The following DYSF variants were observed in gnomAD, a reference collection of about 807,000 sequenced individuals.
DYSF encodes dystrophy-associated fer-1-like 1.
In DYSF, 212 loss-of-function variants were observed where a neutral mutation model predicts 274.9. That is an observed-to-expected ratio of 0.77 (90% confidence interval 0.69 to 0.86). DYSF has a LOEUF of 0.86. Ranked by LOEUF, DYSF falls within the 40% of genes least tolerant of loss-of-function variation. The pLI, the probability that DYSF is intolerant of heterozygous loss-of-function variation, is 0.00. For missense variants in DYSF, 2,666 were observed against 2,783.2 expected (o/e 0.96, Z 0.95); for synonymous variants, 1,091 against 1,078.7 (o/e 1.01, Z -0.22).
At chr2:71,653,763 A>G (rs1414361214) in intron 42 of DYSF, among the ~76,000 whole-genome samples, 2 of 152,106 alleles carry the variant, frequency 1.3e-5, no homozygotes, top group East Asian at 3.8e-4. Flanking sequence ...ATACATATGT[A>G]ACAGACCTGC....
intron 3 of DYSF, among the ~76,000 whole-genome samples, chr2:71,494,809 C>T (rs2084213266): frequency 6.6e-6 from 1 of 152,236 alleles, no homozygotes; most frequent in East Asian, 1.9e-4. Context: ...GACAGACACC[C>T]ATTCTGGGGC....
chr2:71,544,007 T>C (rs868757056), intron 17 of DYSF, among the ~76,000 whole-genome samples: 4 of 149,074 alleles, frequency 2.7e-5, no homozygotes, highest in African/African-American at 5.2e-5. Context: ...CTTTTTTCCC[T>C]GTCACTCCTT....
chr2:71,573,600 T>G (rs1185675665), intron 29 of DYSF, among the ~76,000 whole-genome samples: 1 of 152,182 alleles, frequency 6.6e-6, no homozygotes, highest in Non-Finnish European at 1.5e-5. Context: ...AGGATCTTCC[T>G]TTTACCTCTG....
At chr2:71,684,901 G>A (rs1311357419) in intron 55 of DYSF, among the ~76,000 whole-genome samples, 1 of 152,216 alleles carries the variant, frequency 6.6e-6, no homozygotes, top group Non-Finnish European at 1.5e-5. Flanking sequence ...GGCTGGGACT[G>A]TGCTTAGGGG....
chr2:71,659,033 G>C lies in DYSF; in HGVS notation c.4911G>C (p.Lys1637Asn), dbSNP rs141704244. 3.7e-6 allele frequency: 6 copies of C among 1,613,984 alleles called. No homozygotes were observed. The African/African-American group carries it at 5.3e-5, about 14-fold the overall frequency. Residue 1637 changes from lysine to asparagine, a missense_variant and splice_region_variant, in exon 44 of 56, where the codon AAG (lysine) becomes AAC (asparagine). Around this residue, in one of 3 missense-constraint regions of DYSF, gnomAD observed 1,460 missense variants for 1,502.1 expected, o/e 0.97. Coordinates refer to ENST00000410020, the MANE Select transcript of DYSF (RefSeq NM_001130987.2). ...FGLQPKDPNG[K>N]CDPYIKISIG... is the part of the protein sequence containing the mutation. The stretch of plus-strand genomic sequence containing the variant: ...TGCAGCCCAAGGACCCCAATGGAAA[G>C]GTAACTTTCCTAGAGCCCTCACCTC...
rs886043057 is a variant in DYSF at position 71,674,243 on chromosome 2, G to A, written c.5831G>A (p.Arg1944Gln). 14 of 1,614,112 alleles carry A rather than the reference G, an allele frequency of 8.7e-6. No homozygotes were observed. The highest frequency in any genetic ancestry group is 1.6e-4 in the Middle Eastern group (1 of 6,082). The stretch of plus-strand genomic sequence containing the variant: ...AAGACTGAGAGCAAAATCCCAGCAC[G>A]AGTGGTGTTCCAGATCTGGGACAAT... ...LDKTESKIPA[R>Q]VVFQIWDNDK... Residue 1944 changes from arginine (R) to glutamine (Q), a missense_variant, in exon 52 of 56, where the codon CGA (arginine) becomes CAA (glutamine). Coordinates refer to ENST00000410020, the MANE Select transcript of DYSF (RefSeq NM_001130987.2).
chr2:71,626,753 A>G (rs2094214387), intron 41 of DYSF, among the ~76,000 whole-genome samples: 1 of 151,904 alleles, frequency 6.6e-6, no homozygotes, highest in East Asian at 1.9e-4. Flanking sequence ...TAAGATTGGC[A>G]TTATCCGTTG....
chr2:71,638,141 T>C (rs970039614), intron 41 of DYSF, among the ~76,000 whole-genome samples: 6 of 152,178 alleles, frequency 3.9e-5, no homozygotes, highest in African/African-American at 1.4e-4. Flanking sequence ...TGAACTCTTA[T>C]TTCCTTAGAA....
chr2:71,623,065 G>A lies in DYSF; in HGVS notation c.4527+2456G>A, dbSNP rs888380370. Among the ~76,000 whole-genome samples the A allele has an allele frequency of 2.6e-5, 4 of 152,114 alleles. No individual in the cohort carries two copies. The East Asian group carries it at 5.8e-4, about 22-fold the overall frequency. ...TATATTCCTGGGGTAAACCCAAATC[G>A]GTCAATTGGTCATGGTATTATAGTT... On this transcript the variant is annotated intron_variant, in intron 41 of 55. Transcript: ENST00000410020.
upstream of DYSF, among the ~76,000 whole-genome samples, chr2:71,463,105 C>T (rs6739518): frequency 0.52 from 79,704 of 152,024 alleles, 21,125 homozygotes; most frequent in East Asian, 0.7. Context: ...GTCTAGGGCA[C>T]CTAGGCTGTT....
At chr2:71,467,031 T>C in intron 1 of DYSF, 98 bp downstream of exon 1, 1 of 1,468,578 alleles carries the variant, frequency 6.8e-7, no homozygotes, top group South Asian at 1.3e-5. Flanking sequence ...CTAACCCTAG[T>C]CCAGGCCACA....
chr2:71,551,255 C>A, intron 18 of DYSF, 99 bp downstream of exon 18: 1 of 1,279,830 alleles, frequency 7.8e-7, no homozygotes, highest in Non-Finnish European at 1.1e-6. Flanking sequence ...CTCCTGGGGG[C>A]CCACGACCTG....
At chr2:71,652,683 T>A (rs2094686162) in intron 42 of DYSF, among the ~76,000 whole-genome samples, 1 of 152,208 alleles carries the variant, frequency 6.6e-6, no homozygotes, top group African/African-American at 2.4e-5. Flanking sequence ...AAGAAACATT[T>A]TGTTGAGAAT....
Position 71,669,652 on chromosome 2 carries a change from A to G in DYSF, c.5690A>G (p.Tyr1897Cys), listed in dbSNP as rs1384375908. Residue 1897 changes from tyrosine (Y) to cysteine (C), a missense_variant, in exon 51 of 56, where the codon TAT becomes TGT. Physicochemically the swap from Tyr to Cys is radical, Grantham distance 194. Coordinates refer to ENST00000410020, the MANE Select transcript of DYSF (RefSeq NM_001130987.2). ...CACAAGCAAAAGACAGACGTGCATT[A>G]TCGTTCCCTGGGAGGTGAAGGCAAC... ...EEHKQKTDVH[Y>C]RSLGGEGNFN... 1 of 1,614,102 alleles carries G rather than the reference A, an allele frequency of 6.2e-7. No individual in the cohort carries two copies. Among genetic ancestry groups the G allele is most frequent in the Non-Finnish European group, 8.5e-7 (1 of 1,180,052 alleles).
rs542125436 is a variant in DYSF, at chr2:71,679,360, C to T, written c.6063+125C>T. On this transcript the variant is annotated intron_variant, in intron 53 of 55. Coordinates refer to ENST00000410020, the MANE Select transcript of DYSF (RefSeq NM_001130987.2). ...CCTCCTCCTTTCTCCCCCTCTCCTG[C>T]CCCCATCCCCCCTCTCTCTCTATTT... 65 of 909,450 alleles carry T rather than the reference C, an allele frequency of 7.1e-5. No individual in the cohort carries two copies. In the South Asian group the frequency reaches 1.0e-3, roughly 14 times the overall value. The allele number at this position is 909,450 out of a possible 1,614,324, so 56.3% of individuals were successfully genotyped here.
intron 12 of DYSF, among the ~76,000 whole-genome samples, chr2:71,524,501 G>T (rs1261402034): frequency 6.6e-6 from 1 of 152,190 alleles, no homozygotes; most frequent in Non-Finnish European, 1.5e-5. Context: ...TGTGATATGG[G>T]CATTCTGGGA....
intron 36 of DYSF, 84 bp downstream of exon 36, chr2:71,602,889 C>G (rs973798344): frequency 2.7e-5 from 41 of 1,530,066 alleles, no homozygotes; most frequent in Non-Finnish European, 3.5e-5. Flanking sequence ...CTGGAGCCTT[C>G]CAGGTTCCTG....
intron 40 of DYSF, among the ~76,000 whole-genome samples, chr2:71,618,608 G>GTGT (rs2094004346): frequency 0.013 from 463 of 35,056 alleles, no homozygotes; most frequent in South Asian, 0.027. Context: ...AGAGGTGGTG[G>GTGT]GTGTGGTAGA....
intron 1 of DYSF, among the ~76,000 whole-genome samples, chr2:71,456,494 C>G (rs2081070165): frequency 6.6e-6 from 1 of 152,170 alleles, no homozygotes; most frequent in African/African-American, 2.4e-5. Context: ...GGATGCAGCT[C>G]AAAGCAAAAC....
Sources: allele counts gnomAD v4.1 joint callset (sites outside exome capture counted in the v4.1 genomes callset), GRCh38; gene constraint gnomAD v4.1.1; regional missense constraint gnomAD v4.1.1; transcripts MANE v1.5; gene names NCBI Gene and HGNC (gene_info 2026-07-23, HGNC 2026-07-21).